NEXN: variants seen among roughly 807,000 people sequenced by gnomAD.
NEXN encodes nexilin F-actin binding protein, also known as nexilin.
In NEXN, 65 loss-of-function variants were observed where a neutral mutation model predicts 92.6. The observed-to-expected ratio is 0.70, with a 90% CI of 0.57 to 0.86. NEXN has a LOEUF of 0.86. Among genes scored for constraint, NEXN ranks in the 40% least tolerant of loss-of-function variants. NEXN has a pLI of 0.00. For missense variants in NEXN, 778 were observed against 771.1 expected (o/e 1.01, Z -0.11); for synonymous variants, 254 against 242.5 (o/e 1.05, Z -0.44).
chr1:77,898,062 TATC>T (rs1647378731), intron 1 of NEXN, among the ~76,000 whole-genome samples: 1 of 152,136 alleles, frequency 6.6e-6, no homozygotes, highest in Non-Finnish European at 1.5e-5. Context: ...GAAGAATCAA[TATC>T]ATGAAAATGG....
At position 77,917,954 on chromosome 1, in the gene NEXN, A is replaced by G. The variant is rs374762720; in HGVS notation, c.220-6A>G. 2 of 1,604,884 alleles carry G rather than the reference A, an allele frequency of 1.2e-6. No individual in the cohort carries two copies. Among genetic ancestry groups the G allele is most frequent in the African/African-American group, 1.3e-5 (1 of 74,732 alleles). On this transcript the variant is annotated splice_region_variant and splice_polypyrimidine_tract_variant and intron_variant, in intron 3 of 12. Transcript: ENST00000334785. ...TGTGCTCACATTAATTTATTTAACC[A>G]TCTAGATTAAAGAAATGCTTGCTTC...
intron 1 of NEXN, among the ~76,000 whole-genome samples, chr1:77,903,388 C>G (rs1338711957): frequency 1.3e-5 from 2 of 151,932 alleles, no homozygotes; most frequent in African/African-American, 4.8e-5. Context: ...AAGTAGCTGC[C>G]CTATAGCAAC....
At chr1:77,931,912 T>C (rs1225582314) in intron 9 of NEXN, 1 of 152,228 alleles carries the variant, frequency 6.6e-6, no homozygotes, top group Non-Finnish European at 1.5e-5. Flanking sequence ...AGGGTTATGT[T>C]ATACCGCGCC....
At chr1:77,933,968 T>C (rs1650521020) in intron 10 of NEXN, among the ~76,000 whole-genome samples, 1 of 151,802 alleles carries the variant, frequency 6.6e-6, no homozygotes, top group African/African-American at 2.4e-5. Context: ...TCTGTGTAGC[T>C]GAGACTTGGG....
At chr1:77,893,039 T>TA (rs756217354) in intron 1 of NEXN, among the ~76,000 whole-genome samples, 1 of 152,004 alleles carries the variant, frequency 6.6e-6, no homozygotes, top group South Asian at 2.1e-4. Context: ...GCTGATTTTT[T>TA]AATTTTTTGT....
At position 77,942,654 on chromosome 1, in the gene NEXN, A is replaced by G. The variant is rs1651476572; in HGVS notation, c.1853A>G (p.Glu618Gly). ...AAACCAGAAATTACATGGTGGTTTG[A>G]AGGAGAAATACTGCAGGATGGAGAA... ...EPKPEITWWF[E>G]GEILQDGEDY... The change falls in exon 13 of 13, where the codon GAA becomes GGA. Residue 618 changes from glutamate (E) to glycine (G), a missense_variant. By Grantham distance (98) the Glu-to-Gly change is moderately conservative. Around this residue, in one of 3 missense-constraint regions of NEXN, gnomAD observed 532 missense variants for 476.7 expected, o/e 1.12. Transcript: ENST00000334785. The G allele has an allele frequency of 6.2e-7, 1 of 1,613,826 alleles. No homozygotes were observed. The highest frequency in any genetic ancestry group is 8.5e-7 in the Non-Finnish European group (1 of 1,179,756).
At chr1:77,892,032 G>A (rs547498045) in intron 1 of NEXN, among the ~76,000 whole-genome samples, 3 of 151,960 alleles carry the variant, frequency 2.0e-5, no homozygotes, top group South Asian at 2.1e-4. Context: ...GCAGTGCACC[G>A]TGCTTGTACC....
chr1:77,941,634 CATTT>C lies in NEXN; in HGVS notation c.1474-385_1474-382del, dbSNP rs200242730. ...GAAGGAAAATCATTAAGTGAGAAAA[CATTT>C]ATTATGCAGTAGGGAATGGTATGGA... is the stretch of plus-strand genomic sequence containing the variant. On this transcript the variant is annotated intron_variant, in intron 11 of 12. Coordinates refer to ENST00000334785, the MANE Select transcript of NEXN (RefSeq NM_144573.4). 1.8e-4 allele frequency: 38 copies of C among 207,284 alleles called. No homozygotes were observed. In the East Asian group the frequency reaches 4.7e-3, roughly 26 times the overall value. The allele number at this position is 207,284 out of a possible 1,614,324, so 12.8% of individuals were successfully genotyped here. A position where few individuals can be genotyped will look rare whatever the true frequency, so the allele number is the denominator to read the frequency against.
chr1:77,898,130 T>A (rs997417534), intron 1 of NEXN, among the ~76,000 whole-genome samples: 1 of 152,182 alleles, frequency 6.6e-6, no homozygotes, highest in South Asian at 2.1e-4. Context: ...AAGCTACCAA[T>A]GACTTTCTTC....
At chr1:77,917,927 C>T in intron 3 of NEXN, 33 bp from the exon 4 acceptor site, 1 of 1,563,510 alleles carries the variant, frequency 6.4e-7, no homozygotes, top group South Asian at 1.1e-5. Context: ...AATTTTTGGA[C>T]ATGTGCTCAC....
intron 1 of NEXN, among the ~76,000 whole-genome samples, chr1:77,892,148 T>C (rs1267307901): frequency 6.6e-6 from 1 of 152,124 alleles, no homozygotes; most frequent in African/African-American, 2.4e-5. Flanking sequence ...CATTAAAATA[T>C]CGATTTACGT....
At chr1:77,905,527 C>T (rs150372445) in intron 1 of NEXN, among the ~76,000 whole-genome samples, 50 of 150,204 alleles carry the variant, frequency 3.3e-4, no homozygotes, top group Admixed American at 4.6e-4. Context: ...CCTGTCTCGA[C>T]AAAAAAATTC....
chr1:77,936,134 A>G, intron 11 of NEXN, 90 bp downstream of exon 11: 1 of 967,334 alleles, frequency 1.0e-6, no homozygotes, highest in East Asian at 2.5e-5. Flanking sequence ...AAGTTTTAGT[A>G]CTTAAAATTA....
chr1:77,934,865 C>A (rs1001622916), intron 10 of NEXN, among the ~76,000 whole-genome samples: 6 of 152,156 alleles, frequency 3.9e-5, no homozygotes, highest in Non-Finnish European at 8.8e-5. Flanking sequence ...ACCTAGGAAC[C>A]AGAAATACTT....
intron 10 of NEXN, 94 bp downstream of exon 10, chr1:77,933,573 T>A (rs958806877): frequency 1.0e-6 from 1 of 957,956 alleles, no homozygotes; most frequent in East Asian, 2.6e-5. Flanking sequence ...ATTATTCACC[T>A]TTAGGATAGT....
chr1:77,907,965 A>C (rs977721729), intron 1 of NEXN, among the ~76,000 whole-genome samples: 1 of 152,124 alleles, frequency 6.6e-6, no homozygotes, highest in African/African-American at 2.4e-5. Flanking sequence ...ACTGCATGAG[A>C]GGCTCGGGCA....
chr1:77,900,230 G>A (rs1056954388), intron 1 of NEXN, among the ~76,000 whole-genome samples: 2 of 152,086 alleles, frequency 1.3e-5, no homozygotes, highest in Non-Finnish European at 2.9e-5. Flanking sequence ...TTTCCTGGAT[G>A]CCTTTACAAT....
At chr1:77,908,166 C>T (rs950906774) in intron 1 of NEXN, among the ~76,000 whole-genome samples, 1 of 152,134 alleles carries the variant, frequency 6.6e-6, no homozygotes, top group African/African-American at 2.4e-5. Flanking sequence ...CAACCTTGAA[C>T]TCCTGGGCTC....
At chr1:77,891,613 A>C (rs527665468) in intron 1 of NEXN, among the ~76,000 whole-genome samples, 1 of 152,124 alleles carries the variant, frequency 6.6e-6, no homozygotes, top group Non-Finnish European at 1.5e-5. Flanking sequence ...CTTTCTGGCC[A>C]AAATAGGCCT....
Sources: allele counts gnomAD v4.1 joint callset (sites outside exome capture counted in the v4.1 genomes callset), GRCh38; gene constraint gnomAD v4.1.1; regional missense constraint gnomAD v4.1.1; transcripts MANE v1.5; gene names NCBI Gene and HGNC (gene_info 2026-07-23, HGNC 2026-07-21).